The following RBM47 variants were observed in gnomAD, a reference collection of about 807,000 sequenced individuals.
RBM47 encodes RNA binding motif protein 47, also known as RNA-binding protein 47.
RBM47 carries 21 observed loss-of-function variants against 47.1 expected under a neutral mutation model. That is an observed-to-expected ratio of 0.45 (90% CI 0.32 to 0.64). The LOEUF (loss-of-function observed/expected upper bound fraction) is 0.64, where lower values mean the gene tolerates loss of function less well. RBM47 is among the 30% of genes least tolerant of loss of function. The pLI, the probability that RBM47 is intolerant of heterozygous loss-of-function variation, is 0.05. For synonymous variants in RBM47, 375 were observed against 361.7 expected (o/e 1.04, Z -0.42); for missense variants, 708 against 870.9 (o/e 0.81, Z 2.35).
In RBM47 at chr4:40,437,810, T is replaced by TGTA; in HGVS notation, c.1081_1083dup (p.Tyr361dup). 1 of 1,611,254 alleles carries TGTA rather than the reference T, an allele frequency of 6.2e-7. No individual in the cohort carries two copies. Among genetic ancestry groups the TGTA allele is most frequent in the Non-Finnish European group, 8.5e-7 (1 of 1,177,732 alleles). On this transcript the variant is annotated inframe_insertion, in exon 4 of 7. Transcript: ENST00000295971. ...TCCCTGTTGGGCCCAATGAGCGCGT[T>TGTA]GTAGGGGTAGCCGTAGTAGGCCAGT...
chr4:40,536,723 G>T (rs6855830), intron 2 of RBM47, among the ~76,000 whole-genome samples: 25,828 of 126,436 alleles, frequency 0.2, 2,496 homozygotes, highest in African/African-American at 0.36. Flanking sequence ...GTGTGTTTTT[G>T]TTTTTTTTTT....
chr4:40,608,888 G>A (rs190017244), intron 1 of RBM47, among the ~76,000 whole-genome samples: 1 of 152,254 alleles, frequency 6.6e-6, no homozygotes, highest in East Asian at 1.9e-4. Flanking sequence ...CTTAGAGTTG[G>A]CCCACTCATC....
At position 40,529,932 on chromosome 4, in the gene RBM47, T is replaced by C. The variant is rs866569404; in HGVS notation, c.-155+14490A>G. ...TGGATTTTAAGGATATTAGACCCCC[T>C]TTTTTTTTTTTTTTTTTTTTTGAGA... On this transcript the variant is annotated intron_variant, in intron 2 of 6. Coordinates refer to ENST00000295971, the MANE Select transcript of RBM47 (RefSeq NM_001098634.2). Among the ~76,000 whole-genome samples the C allele has an allele frequency of 9.6e-4, 104 of 108,394 alleles. 1 individual carries two copies. Among genetic ancestry groups the C allele is most frequent in the South Asian group, 4.4e-3 (14 of 3,162 alleles). 71.1% of individuals were successfully genotyped at this position (108,394 alleles called of 152,430 possible).
intron 1 of RBM47, among the ~76,000 whole-genome samples, chr4:40,596,945 T>C (rs2154276427): frequency 6.6e-6 from 1 of 152,292 alleles, no homozygotes; most frequent in African/African-American, 2.4e-5. Flanking sequence ...TTTTTAAATA[T>C]TAAGTATTTA....
intron 2 of RBM47, among the ~76,000 whole-genome samples, chr4:40,493,295 G>C (rs1185132010): frequency 6.6e-6 from 1 of 152,122 alleles, no homozygotes; most frequent in Non-Finnish European, 1.5e-5. Flanking sequence ...GTGTGATAAA[G>C]GCCATGACAG....
chr4:40,508,093 G>A, intron 2 of RBM47, among the ~76,000 whole-genome samples: 1 of 152,190 alleles, frequency 6.6e-6, no homozygotes, highest in Non-Finnish European at 1.5e-5. Flanking sequence ...TCTGCAGTAC[G>A]TAAAACCTGA....
At chr4:40,463,212 C>G (rs1717432540) in intron 3 of RBM47, among the ~76,000 whole-genome samples, 1 of 152,222 alleles carries the variant, frequency 6.6e-6, no homozygotes, top group African/African-American at 2.4e-5. Context: ...CATTACACAT[C>G]TGCAAAGACC....
At chr4:40,448,813 G>T (rs1714950862) in intron 3 of RBM47, among the ~76,000 whole-genome samples, 2 of 152,078 alleles carry the variant, frequency 1.3e-5, no homozygotes, top group Admixed American at 1.3e-4. Flanking sequence ...GCCATAGTTT[G>T]TGTTTTAGAG....
Position 40,573,513 on chromosome 4 carries a change from C to T in RBM47, c.-239-29007G>A, listed in dbSNP as rs547288218. ...ATCCCAGCACTTTGAGAGGCTGAGG[C>T]TGGTGGATCACTTGAGGTCAAGAGT... is the stretch of plus-strand genomic sequence containing the variant. On this transcript the variant is annotated intron_variant, in intron 1 of 6. Transcript: ENST00000295971. Among the ~76,000 whole-genome samples the T allele has an allele frequency of 7.8e-3, 1,178 of 150,912 alleles. 14 individuals are homozygous for T. The highest frequency in any genetic ancestry group is 0.014 in the Non-Finnish European group (938 of 67,074).
At chr4:40,503,541 G>A (rs1472238879) in intron 2 of RBM47, among the ~76,000 whole-genome samples, 1 of 152,198 alleles carries the variant, frequency 6.6e-6, no homozygotes, top group Non-Finnish European at 1.5e-5. Flanking sequence ...CAGAGACAGT[G>A]ACTGTGGTTA....
intron 1 of RBM47, among the ~76,000 whole-genome samples, chr4:40,620,418 T>C (rs1037677632): frequency 1.2e-4 from 18 of 151,630 alleles, no homozygotes; most frequent in Admixed American, 1.1e-3. Context: ...GGCAGGAGAA[T>C]GGCTTGAGCC....
intron 1 of RBM47, among the ~76,000 whole-genome samples, chr4:40,557,052 A>T (rs1015565560): frequency 2.6e-5 from 4 of 152,178 alleles, no homozygotes; most frequent in African/African-American, 9.7e-5. Context: ...TCCAGAATGC[A>T]GAGCAATTAT....
intron 3 of RBM47, among the ~76,000 whole-genome samples, chr4:40,457,282 G>A (rs369940014): frequency 3.3e-5 from 5 of 151,758 alleles, no homozygotes; most frequent in East Asian, 4.0e-4. Flanking sequence ...TTAGCCGGGC[G>A]TGGTGGCCTG....
chr4:40,594,847 A>G (rs1578035633), intron 1 of RBM47, among the ~76,000 whole-genome samples: 1 of 152,104 alleles, frequency 6.6e-6, no homozygotes, highest in African/African-American at 2.4e-5. Flanking sequence ...ACCTAGTAGT[A>G]CTTATCATTT....
chr4:40,586,801 G>T (rs562584335), intron 1 of RBM47, among the ~76,000 whole-genome samples: 26 of 152,010 alleles, frequency 1.7e-4, no homozygotes, highest in Admixed American at 1.2e-3. Context: ...GTCTTCTGGG[G>T]TTTCCTTATA....
intron 1 of RBM47, among the ~76,000 whole-genome samples, chr4:40,607,000 A>G (rs993330374): frequency 3.9e-5 from 6 of 152,106 alleles, no homozygotes; most frequent in Non-Finnish European, 5.9e-5. Flanking sequence ...GCCCGCAAAC[A>G]TATGTGTTAC....
chr4:40,430,403 G>A (rs1003703795), intron 6 of RBM47, among the ~76,000 whole-genome samples: 3 of 152,176 alleles, frequency 2.0e-5, no homozygotes, highest in African/African-American at 7.2e-5. Context: ...AGGAGAATTA[G>A]AAATTATTAT....
intron 2 of RBM47, among the ~76,000 whole-genome samples, chr4:40,474,609 C>A (rs1719353367): frequency 1.3e-5 from 2 of 152,130 alleles, no homozygotes; most frequent in Non-Finnish European, 2.9e-5. Context: ...AAGTAGAGTT[C>A]AAAATGAAAT....
intron 2 of RBM47, among the ~76,000 whole-genome samples, chr4:40,516,253 T>TTTTCTTTC (rs34594357): frequency 6.9e-6 from 1 of 145,418 alleles, no homozygotes; most frequent in African/African-American, 2.6e-5. Flanking sequence ...TCTCTTTTTC[T>TTTTCTTTC]TTTCTTTCTT....
Sources: gnomAD v4.1 joint callset for allele counts (sites outside exome capture counted in the v4.1 genomes callset) on GRCh38, gnomAD v4.1.1 for gene constraint, MANE v1.5 for transcripts, NCBI Gene and HGNC (gene_info 2026-07-23, HGNC 2026-07-21) for gene names.